Variants in PKD1L1 observed in about 807,000 individuals in gnomAD.
The protein encoded by PKD1L1 is polycystin 1 like 1, transient receptor potential channel interacting.
A neutral mutation model predicts 323.4 loss-of-function variants in PKD1L1; 236 were observed. The ratio of observed to expected loss-of-function variants is 0.73; its 90% CI spans 0.66 to 0.81. PKD1L1 has a LOEUF of 0.81. Ranked by LOEUF, PKD1L1 falls within the 40% of genes least tolerant of loss-of-function variation. The pLI is 0.00. For missense variants in PKD1L1, 3,320 were observed against 3,508.0 expected (o/e 0.95, Z 1.35); for synonymous variants, 1,344 against 1,335.0 (o/e 1.01, Z -0.15).
intron 51 of PKD1L1, 148 bp downstream of exon 51, chr7:47,809,325 C>A: frequency 1.7e-6 from 1 of 603,116 alleles, no homozygotes; most frequent in Non-Finnish European, 2.8e-6. Flanking sequence ...ATCTCAAATG[C>A]TGTTTTGAGA....
chr7:47,943,560 T>G (rs1248780548), intron 1 of PKD1L1, 49 bp from the exon 2 acceptor site: 1 of 1,435,228 alleles, frequency 7.0e-7, no homozygotes, highest in East Asian at 2.3e-5. Context: ...GTACAATCGT[T>G]TAATCACAGA....
chr7:47,818,678 G>A (rs978995275), intron 46 of PKD1L1, among the ~76,000 whole-genome samples: 11 of 152,092 alleles, frequency 7.2e-5, no homozygotes, highest in South Asian at 2.1e-4. Flanking sequence ...ATTAGTTACC[G>A]CAATTATATA....
intron 13 of PKD1L1, among the ~76,000 whole-genome samples, chr7:47,901,907 C>T (rs1787097179): frequency 1.3e-5 from 2 of 152,038 alleles, no homozygotes; most frequent in African/African-American, 4.8e-5. Context: ...TTTTCTAACC[C>T]AGAATAGGTG....
At chr7:47,796,483 C>A (rs1273153182) in intron 54 of PKD1L1, among the ~76,000 whole-genome samples, 1 of 152,162 alleles carries the variant, frequency 6.6e-6, no homozygotes, top group Non-Finnish European at 1.5e-5. Flanking sequence ...CCTGGTGAAC[C>A]ATTCTGAGCT....
chr7:47,836,381 G>A (rs1192451091), intron 37 of PKD1L1, among the ~76,000 whole-genome samples: 1 of 152,114 alleles, frequency 6.6e-6, no homozygotes, highest in African/African-American at 2.4e-5. Context: ...AGTCAGTTTT[G>A]CCTCAGTCCA....
At chr7:47,907,343 G>A (rs1189276648) in intron 9 of PKD1L1, among the ~76,000 whole-genome samples, 1 of 152,170 alleles carries the variant, frequency 6.6e-6, no homozygotes, top group Non-Finnish European at 1.5e-5. Context: ...CTTTGGGAGT[G>A]CCTCTGGCTG....
chr7:47,801,332 G>C (rs1334376054), intron 53 of PKD1L1, among the ~76,000 whole-genome samples: 1 of 152,188 alleles, frequency 6.6e-6, no homozygotes, highest in Non-Finnish European at 1.5e-5. Flanking sequence ...TTCCAATTTT[G>C]ATGTAGATTT....
chr7:47,827,298 C>G, intron 45 of PKD1L1, 52 bp downstream of exon 45: 1 of 1,467,402 alleles, frequency 6.8e-7, no homozygotes, highest in Non-Finnish European at 9.2e-7. Flanking sequence ...GTACTCCCTC[C>G]GAGAAGGGAG....
In PKD1L1 at chr7:47,847,016, T is replaced by G; in HGVS notation, c.5016A>C (p.Pro1672=). The G allele has an allele frequency of 6.2e-7, 1 of 1,611,574 alleles. No homozygotes were observed. Among genetic ancestry groups the G allele is most frequent in the Non-Finnish European group, 8.5e-7 (1 of 1,179,084 alleles). ...TCACTGCCTTAGCTAAATATCTGTT[T>G]GGAGGTTTTCTGTCATAGTCAGCAT... is the stretch of plus-strand genomic sequence containing the variant. ...LLDADYDRKP[P]NRYLAKAVNY... Residue 1672 remains proline, a synonymous_variant, in exon 32 of 57, where the codon CCA becomes CCC. Transcript: ENST00000289672.
intron 54 of PKD1L1, among the ~76,000 whole-genome samples, chr7:47,796,981 C>G (rs544670785): frequency 2.4e-4 from 33 of 137,516 alleles, no homozygotes; most frequent in Non-Finnish European, 4.6e-4. Flanking sequence ...GCCTGGGCGA[C>G]AGAGCAAGAC....
chr7:47,904,542 C>A lies in PKD1L1; in HGVS notation c.1767G>T (p.Lys589Asn). Residue 589 changes from lysine to asparagine, a missense_variant, in exon 12 of 57, where the codon AAG becomes AAT. By Grantham distance (94) the Lys-to-Asn change is moderately conservative. Coordinates refer to ENST00000289672, the MANE Select transcript of PKD1L1 (RefSeq NM_138295.5). ...VSEPHVIRVQKKIVANRLTSP... is the reference protein window; with the variant it reads ...VSEPHVIRVQNKIVANRLTSP... Reference sequence around the variant, plus strand: ...ACGTGAGCCGATTGGCCACAATTTTCTTCTGCACCCTGATGACATGGGGCT... The same window carrying A: ...ACGTGAGCCGATTGGCCACAATTTTATTCTGCACCCTGATGACATGGGGCT... The A allele has an allele frequency of 6.2e-7, 1 of 1,614,160 alleles. No homozygotes were observed.
At chr7:47,924,584 A>G (rs1471513327) in intron 7 of PKD1L1, among the ~76,000 whole-genome samples, 7 of 152,348 alleles carry the variant, frequency 4.6e-5, no homozygotes, top group Non-Finnish European at 8.8e-5. Context: ...TCATTAGCAA[A>G]GTCCTAACCC....
chr7:47,819,356 CAAG>C (rs1785091015), intron 46 of PKD1L1: 2 of 347,070 alleles, frequency 5.8e-6, no homozygotes, highest in African/African-American at 4.5e-5. Context: ...ATTTGAATAT[CAAG>C]AAGCAACAAT....
At chr7:47,875,545 T>G (rs77405978) in intron 23 of PKD1L1, among the ~76,000 whole-genome samples, 2,882 of 152,326 alleles carry the variant, frequency 0.019, 71 homozygotes, top group African/African-American at 0.065. Flanking sequence ...GATACCTTCC[T>G]AAATGGCTGC....
chr7:47,791,080 C>T (rs1187303552), intron 56 of PKD1L1, among the ~76,000 whole-genome samples: 1 of 152,106 alleles, frequency 6.6e-6, no homozygotes, highest in Non-Finnish European at 1.5e-5. Flanking sequence ...CCCTGGGACA[C>T]AGTTCTTTTT....
intron 26 of PKD1L1, among the ~76,000 whole-genome samples, chr7:47,863,453 G>A (rs960894753): frequency 5.3e-5 from 8 of 152,030 alleles, no homozygotes; most frequent in African/African-American, 1.9e-4. Context: ...AGAGAATCTA[G>A]GAGGCCCAAG....
chr7:47,820,978 G>T, intron 46 of PKD1L1, 98 bp downstream of exon 46: 1 of 697,540 alleles, frequency 1.4e-6, no homozygotes, highest in Non-Finnish European at 2.5e-6. Context: ...AATCTTTCCA[G>T]TATTTCATAT....
In PKD1L1 at chr7:47,893,855, C is replaced by T. The variant is rs746156019; in HGVS notation, c.2453+23G>A. ...ATGCGCGGTCTGAGTAGCTGCGCAGCTCTGTGTGGGGGTGGTGCTCACCTG... is the reference window on the plus strand; with the variant it reads ...ATGCGCGGTCTGAGTAGCTGCGCAGTTCTGTGTGGGGGTGGTGCTCACCTG... On this transcript the variant is annotated intron_variant, in intron 15 of 56. Transcript: ENST00000289672. The T allele has an allele frequency of 3.0e-5, 48 of 1,608,670 alleles. No homozygotes were observed. In the South Asian group the frequency reaches 5.2e-4, roughly 17 times the overall value.
At chr7:47,841,753 T>G (rs1376572718) in intron 34 of PKD1L1, among the ~76,000 whole-genome samples, 1 of 152,184 alleles carries the variant, frequency 6.6e-6, no homozygotes. Context: ...TATGTGGGGT[T>G]TGATGAATTC....
Sources: gnomAD v4.1 joint callset for allele counts (sites outside exome capture counted in the v4.1 genomes callset) on GRCh38, gnomAD v4.1.1 for gene constraint, MANE v1.5 for transcripts, NCBI Gene and HGNC (gene_info 2026-07-23, HGNC 2026-07-21) for gene names.